The following SHPRH variants were observed in gnomAD, a reference collection of about 807,000 sequenced individuals.
SHPRH encodes E3 ubiquitin-protein ligase SHPRH.
In SHPRH, 106 loss-of-function variants were observed where a neutral mutation model predicts 202.5. That is an observed-to-expected ratio of 0.52 (90% CI 0.45 to 0.62). The LOEUF (loss-of-function observed/expected upper bound fraction) is 0.62. Among genes scored for constraint, SHPRH ranks in the 20% least tolerant of loss-of-function variants. The pLI is 0.00. For missense variants in SHPRH, 1,710 were observed against 2,020.0 expected, an observed-to-expected ratio of 0.85 and a Z score of 2.94; for synonymous variants, 729 against 686.0, an observed-to-expected ratio of 1.06 and a Z score of -0.98.
chr6:145,911,209 A>G (rs79160023), intron 24 of SHPRH, among the ~76,000 whole-genome samples: 243 of 152,144 alleles, frequency 1.6e-3, no homozygotes, highest in Non-Finnish European at 2.6e-3. Flanking sequence ...GCTCACTGCA[A>G]CCTTGCAACC....
intron 2 of SHPRH, among the ~76,000 whole-genome samples, chr6:145,866,141 A>C (rs1398749837): frequency 6.6e-6 from 1 of 152,230 alleles, no homozygotes; most frequent in East Asian, 1.9e-4. Context: ...AGGGGGAAAA[A>C]CAGTTGCTTT....
chr6:145,939,532 A>C (rs530750108), intron 11 of SHPRH, among the ~76,000 whole-genome samples: 1 of 152,246 alleles, frequency 6.6e-6, no homozygotes, highest in Admixed American at 6.5e-5. Flanking sequence ...ATACTCTCTC[A>C]ACATTAAAAT....
intron 25 of SHPRH, among the ~76,000 whole-genome samples, chr6:145,899,118 C>T (rs1458199347): frequency 6.6e-6 from 1 of 152,096 alleles, no homozygotes; most frequent in Non-Finnish European, 1.5e-5. Flanking sequence ...CTGGCCGTAA[C>T]TCCTTTTATT....
At chr6:145,956,648 T>C (rs1788540583) in intron 1 of SHPRH, among the ~76,000 whole-genome samples, 1 of 152,266 alleles carries the variant, frequency 6.6e-6, no homozygotes, top group South Asian at 2.1e-4. Context: ...TGTATAAATA[T>C]AGTAAACTTT....
At chr6:145,960,480 T>G (rs1788979474) in intron 1 of SHPRH, among the ~76,000 whole-genome samples, 1 of 152,168 alleles carries the variant, frequency 6.6e-6, no homozygotes, top group African/African-American at 2.4e-5. Context: ...ATAACATGGT[T>G]ATTGTGGAAT....
chr6:145,943,230 T>C lies in SHPRH; in HGVS notation c.2151A>G (p.Ala717=). ...TGGAACTTGGAGAGATGATCAGAGT[T>C]GCTCTTGTTGACACTGGTTCCATTG... ...LVAMEPVSTR[A]TLIISPSSIC... is the part of the protein sequence containing the mutation. Residue 717 remains alanine, a synonymous_variant, in exon 9 of 30, where the codon GCA becomes GCG. Coordinates refer to ENST00000275233, the MANE Select transcript of SHPRH (RefSeq NM_001042683.3). The C allele has an allele frequency of 6.2e-7, 1 of 1,613,832 alleles. No individual in the cohort carries two copies. The highest frequency in any genetic ancestry group is 2.2e-5 in the East Asian group (1 of 44,876).
At chr6:145,893,883 A>C (rs554978777) in intron 27 of SHPRH, among the ~76,000 whole-genome samples, 1 of 152,142 alleles carries the variant, frequency 6.6e-6, no homozygotes, top group African/African-American at 2.4e-5. Flanking sequence ...GTCCATTCAA[A>C]AGGTATATCA....
intron 14 of SHPRH, among the ~76,000 whole-genome samples, chr6:145,927,773 G>T (rs1177738747): frequency 6.6e-6 from 1 of 151,884 alleles, no homozygotes; most frequent in African/African-American, 2.4e-5. Context: ...AGCTATTATT[G>T]TTCTTGGTAT....
In SHPRH at chr6:145,935,020, G is replaced by A. The variant is rs753351610; in HGVS notation, c.2877C>T (p.Leu959=). The change falls in exon 13 of 30, where the codon CTC becomes CTT. Residue 959 remains leucine, a synonymous_variant. Transcript: ENST00000275233. ...LRKISDWALK[L]SSLDRRTVTS... ...TGACAGTCCTTCTGTCTAGGCTGCT[G>A]AGCTTCAGAGCCCAGTCAGAAATCT... 1.2e-6 allele frequency: 2 copies of A among 1,613,898 alleles called. No homozygotes were observed. Among genetic ancestry groups the A allele is most frequent in the African/African-American group, 2.7e-5 (2 of 74,886 alleles).
chr6:145,871,829 G>A (rs1780069558), intron 2 of SHPRH, among the ~76,000 whole-genome samples: 1 of 152,134 alleles, frequency 6.6e-6, no homozygotes, highest in Non-Finnish European at 1.5e-5. Flanking sequence ...AAATAGCACG[G>A]TACTGGTACA....
chr6:145,934,197 C>T (rs752621077), intron 13 of SHPRH, among the ~76,000 whole-genome samples: 3 of 151,886 alleles, frequency 2.0e-5, no homozygotes, highest in Non-Finnish European at 2.9e-5. Context: ...ACAGGCCGGG[C>T]GTGGTGGCTC....
At chr6:145,905,472 G>C (rs1782880056) in intron 25 of SHPRH, 1 of 152,042 alleles carries the variant, frequency 6.6e-6, no homozygotes, top group African/African-American at 2.4e-5. Flanking sequence ...GGGACTGACT[G>C]CTTCCAAAAC....
At chr6:145,933,238 G>T in intron 13 of SHPRH, 60 bp from the exon 14 acceptor site, 1 of 1,611,072 alleles carries the variant, frequency 6.2e-7, no homozygotes. Flanking sequence ...GACTTCAGTG[G>T]GAGTGTTATA....
intron 2 of SHPRH, among the ~76,000 whole-genome samples, chr6:145,874,476 T>A (rs1780210299): frequency 6.6e-6 from 1 of 152,140 alleles, no homozygotes; most frequent in Admixed American, 6.5e-5. Context: ...TTTTTTTTAT[T>A]CTGAGCTTTA....
At position 145,886,710 on chromosome 6, in the gene SHPRH, T is replaced by G. The variant is rs1394303054; in HGVS notation, c.5033A>C (p.Glu1678Ala). 6.2e-7 allele frequency: 1 copy of G among 1,613,566 alleles called. No individual in the cohort carries two copies. The highest frequency in any genetic ancestry group is 1.3e-5 in the African/African-American group (1 of 74,910). The change falls in exon 30 of 30, where the codon GAA becomes GCA. Residue 1678 changes from glutamate (E) to alanine (A), a missense_variant. By Grantham distance (107) the Glu-to-Ala change is moderately radical (BLOSUM62 -1). Coordinates refer to ENST00000275233, the MANE Select transcript of SHPRH (RefSeq NM_001042683.3). ...TGTAGTTCATTCAAGCTCTTCAGTTTCTTTGGTAAATAGGTCTGCCAGGTC... is the reference window on the plus strand; with the variant it reads ...TGTAGTTCATTCAAGCTCTTCAGTTGCTTTGGTAAATAGGTCTGCCAGGTC... Reference protein sequence around the residue: ...VADLADLFTKETEELE With the variant: ...VADLADLFTKATEELE
chr6:145,912,464 G>A (rs962639377), intron 24 of SHPRH, among the ~76,000 whole-genome samples: 1 of 152,078 alleles, frequency 6.6e-6, no homozygotes, highest in Non-Finnish European at 1.5e-5. Context: ...AGACAGTCCA[G>A]TTGTATAAAT....
At chr6:145,958,080 T>C (rs1298485844) in intron 1 of SHPRH, among the ~76,000 whole-genome samples, 2 of 152,204 alleles carry the variant, frequency 1.3e-5, no homozygotes, top group Non-Finnish European at 2.9e-5. Context: ...ATATACTATA[T>C]GATTCCATTT....
intron 1 of SHPRH, among the ~76,000 whole-genome samples, chr6:145,959,936 A>G (rs1214514514): frequency 6.6e-6 from 1 of 152,252 alleles, no homozygotes; most frequent in African/African-American, 2.4e-5. Flanking sequence ...CTCAAAGCAT[A>G]AGCTGGAATA....
rs1181786665 is a variant in SHPRH at position 145,935,104 on chromosome 6, C to G, written c.2793G>C (p.Arg931Ser). Reference sequence around the variant, plus strand: ...CCTCATGCTGACGGTGATAGAAATGCCTTTCCACTGGAGAAAAGTGGAGCC... The same window carrying G: ...CCTCATGCTGACGGTGATAGAAATGGCTTTCCACTGGAGAAAAGTGGAGCC... Reference protein sequence around the residue: ...IHWLHFSPVERHFYHRQHEVC... With the variant: ...IHWLHFSPVESHFYHRQHEVC... The change falls in exon 13 of 30, where the codon AGG becomes AGC. Residue 931 changes from arginine to serine, a missense_variant. Physicochemically the swap from Arg to Ser is moderately radical, Grantham distance 110. Coordinates refer to ENST00000275233, the MANE Select transcript of SHPRH (RefSeq NM_001042683.3). 5.0e-6 allele frequency: 8 copies of G among 1,613,530 alleles called. No individual in the cohort carries two copies. In the South Asian group the frequency reaches 8.8e-5, roughly 18 times the overall value.
Sources: gnomAD v4.1 joint callset for allele counts (sites outside exome capture counted in the v4.1 genomes callset) on GRCh38, gnomAD v4.1.1 for gene constraint, MANE v1.5 for transcripts, NCBI Gene and HGNC (gene_info 2026-07-23, HGNC 2026-07-21) for gene names.